ASB14: variants seen among roughly 807,000 people sequenced by gnomAD.
ASB14 encodes the protein ankyrin repeat and SOCS box protein 14.
In ASB14, 63 loss-of-function variants were observed where a neutral mutation model predicts 55.6. The ratio of observed to expected loss-of-function variants is 1.13; its 90% CI spans 0.92 to 1.40. The LOEUF is 1.40. ASB14 is among the 40% of genes most tolerant of loss of function. The pLI is 0.00. For missense variants in ASB14, 724 were observed against 710.4 expected (o/e 1.02, Z -0.22); for synonymous variants, 256 against 259.9 (o/e 0.98, Z 0.15).
chr3:57,272,270 T>C (rs900382108), intron 10 of ASB14: 3 of 152,248 alleles, frequency 2.0e-5, no homozygotes, highest in Admixed American at 6.5e-5. Flanking sequence ...TTAAAAATTT[T>C]GAGAACTTGC....
At chr3:57,271,863 A>C (rs371581244) in intron 10 of ASB14, 3 of 152,358 alleles carry the variant, frequency 2.0e-5, no homozygotes, top group African/African-American at 7.2e-5. Flanking sequence ...GAGTGGGTTT[A>C]ACAATTTTAG....
At chr3:57,284,090 GTGTA>G (rs1236011583) in intron 5 of ASB14, among the ~76,000 whole-genome samples, 10 of 107,938 alleles carry the variant, frequency 9.3e-5, no homozygotes, top group Admixed American at 5.9e-4. Context: ...TGGGAACACT[GTGTA>G]TGTGTGTGTG....
chr3:57,288,141 CA>C lies in ASB14; in HGVS notation c.310+13del. 1 of 1,536,650 alleles carries C rather than the reference CA, an allele frequency of 6.5e-7. No individual in the cohort carries two copies. The highest frequency in any genetic ancestry group is 8.7e-7 in the Non-Finnish European group (1 of 1,146,496). On this transcript the variant is annotated intron_variant, in intron 4 of 10. Coordinates refer to ENST00000487349, the MANE Select transcript of ASB14 (RefSeq NM_001142733.3). ...ATCTCTCAGAAGCATCAAGAAGAAT[CA>C]AAGGGAATTTACCGCTTAGGGTTAT...
rs1187822805 is a variant in ASB14 at position 57,289,140 on chromosome 3, A to G, written c.123-17T>C. On this transcript the variant is annotated splice_polypyrimidine_tract_variant and intron_variant, in intron 2 of 10. Coordinates refer to ENST00000487349, the MANE Select transcript of ASB14 (RefSeq NM_001142733.3). ...GAATGCAAACTGCAAAGAAAAAAAT[A>G]CATATGTAATTCCAAAACTGAGGAG... 5.3e-6 allele frequency: 8 copies of G among 1,500,866 alleles called. No individual in the cohort carries two copies. The highest frequency in any genetic ancestry group is 7.2e-6 in the Non-Finnish European group (8 of 1,114,170). The allele number at this position is 1,500,866 out of a possible 1,614,324, so 93.0% of individuals were successfully genotyped here. A position where few individuals can be genotyped will look rare whatever the true frequency, so the allele number is the denominator to read the frequency against.
intron 6 of ASB14, among the ~76,000 whole-genome samples, chr3:57,282,402 G>C (rs1483025782): frequency 1.3e-5 from 2 of 152,134 alleles, no homozygotes; most frequent in African/African-American, 4.8e-5. Context: ...AAAAGCTTTA[G>C]ATTGATCCTA....
At position 57,278,847 on chromosome 3, in the gene ASB14, C is replaced by CA; in HGVS notation, c.960dup (p.Ala321CysfsTer19). On this transcript the variant is annotated frameshift_variant, in exon 8 of 11. Transcript: ENST00000487349. LOFTEE classifies it high-confidence loss of function. ...CACTGAGGATGTGCTCCTGCTGCTG[C>CA]ACAGTGAACTGGACTGATCCCACTC... 6.2e-7 allele frequency: 1 copy of CA among 1,613,716 alleles called. No homozygotes were observed. The highest frequency in any genetic ancestry group is 8.5e-7 in the Non-Finnish European group (1 of 1,179,948).
At position 57,268,613 on chromosome 3, in the gene ASB14, A is replaced by T. The variant is rs2060911844; in HGVS notation, c.*1028T>A. The T allele has an allele frequency of 5.4e-6, 6 of 1,108,058 alleles. No individual in the cohort carries two copies. Among genetic ancestry groups the T allele is most frequent in the East Asian group, 2.5e-5 (1 of 40,066 alleles). The allele number at this position is 1,108,058 out of a possible 1,614,324, so 68.6% of individuals were successfully genotyped here. A position where few individuals can be genotyped will look rare whatever the true frequency, so the allele number is the denominator to read the frequency against. On this transcript the variant is annotated 3_prime_UTR_variant, in exon 11 of 11. Coordinates refer to ENST00000487349, the MANE Select transcript of ASB14 (RefSeq NM_001142733.3). Reference sequence around the variant, plus strand: ...GCTTGTTCAGCCACTTCATAAACAGATGATTCATACCATAGCAGAAAAGGG... The same window carrying T: ...GCTTGTTCAGCCACTTCATAAACAGTTGATTCATACCATAGCAGAAAAGGG...
Position 57,280,447 on chromosome 3 carries a change from C to CAA in ASB14, c.741_742insTT (p.Asp248LeufsTer50). On this transcript the variant is annotated frameshift_variant, in exon 7 of 11. Coordinates refer to ENST00000487349, the MANE Select transcript of ASB14 (RefSeq NM_001142733.3). LOFTEE classifies it high-confidence loss of function. ...GCTTCAAGTAAGATGGAAGAAGAAT[C>CAA]AGAGGCCTGACCATGAGCATTAGCT... 1 of 1,551,224 alleles carries CAA rather than the reference C, an allele frequency of 6.4e-7. No homozygotes were observed. The highest frequency in any genetic ancestry group is 1.2e-5 in the South Asian group (1 of 84,016).
At position 57,278,585 on chromosome 3, in the gene ASB14, T is replaced by A; in HGVS notation, c.1223A>T (p.His408Leu). Residue 408 changes from histidine to leucine, a missense_variant, in exon 8 of 11, where the codon CAT becomes CTT. Physicochemically the swap from His to Leu is moderately conservative, Grantham distance 99 (BLOSUM62 -3). Coordinates refer to ENST00000487349, the MANE Select transcript of ASB14 (RefSeq NM_001142733.3). ...NYELISLLLR[H>L]GANVNYFCRV... ...GCAGAAGTAATTGACATTGGCCCCA[T>A]GCCTTAGCAGCAGACTGATCAGCTC... The A allele has an allele frequency of 6.2e-7, 1 of 1,614,218 alleles. No individual in the cohort carries two copies. Among genetic ancestry groups the A allele is most frequent in the Admixed American group, 1.7e-5 (1 of 60,024 alleles).
At position 57,280,426 on chromosome 3, in the gene ASB14, C is replaced by A; in HGVS notation, c.763G>T (p.Glu255Ter). The A allele has an allele frequency of 1.9e-6, 3 of 1,551,406 alleles. No homozygotes were observed. Among genetic ancestry groups the A allele is most frequent in the Non-Finnish European group, 1.7e-6 (2 of 1,146,772 alleles). ...TCTGGATTTCCTCCACTTGCGGCTT[C>A]AAGTAAGATGGAAGAAGAATCAGAG... ...QASDSSSILL[E>*]AASGGNPDAV... Residue 255 changes from glutamate (E) to a stop codon, truncating the protein, a stop_gained, in exon 7 of 11, where the codon GAA becomes TAA. Transcript: ENST00000487349. LOFTEE classifies it high-confidence loss of function.
In ASB14 at chr3:57,287,948, C is replaced by G; in HGVS notation, c.422G>C (p.Cys141Ser). The G allele has an allele frequency of 6.5e-7, 1 of 1,537,266 alleles. No individual in the cohort carries two copies. Among genetic ancestry groups the G allele is most frequent in the Non-Finnish European group, 8.7e-7 (1 of 1,146,900 alleles). ...ENATFLLLNG[C>S]NPNAKNFEGN... ...TTCGAAATTCTTAGCATTTGGATTG[C>G]AGCCATTGAGAAGAAGAAAAGTGGC... is the stretch of plus-strand genomic sequence containing the variant. The change falls in exon 5 of 11, where the codon TGC becomes TCC. Residue 141 changes from cysteine to serine, a missense_variant. By Grantham distance (112) the Cys-to-Ser change is moderately radical. Coordinates refer to ENST00000487349, the MANE Select transcript of ASB14 (RefSeq NM_001142733.3).
In ASB14 at chr3:57,278,843, G is replaced by A. The variant is rs2061013040; in HGVS notation, c.965C>T (p.Ala322Val). 1.2e-6 allele frequency: 2 copies of A among 1,613,676 alleles called. No individual in the cohort carries two copies. Among genetic ancestry groups the A allele is most frequent in the Non-Finnish European group, 1.7e-6 (2 of 1,179,926 alleles). ...CAGGCACTGAGGATGTGCTCCTGCT[G>A]CTGCACAGTGAACTGGACTGATCCC... ...QSGISPVHCA[A>V]AGAHPQCLEL... The change falls in exon 8 of 11, where the codon GCA (alanine) becomes GTA (valine). Residue 322 changes from alanine to valine, a missense_variant. Transcript: ENST00000487349.
intron 10 of ASB14, among the ~76,000 whole-genome samples, chr3:57,275,715 T>G (rs192182987): frequency 6.6e-6 from 1 of 152,284 alleles, no homozygotes; most frequent in Admixed American, 6.5e-5. Context: ...TGTGCAAACA[T>G]AGAATCACTT....
chr3:57,277,491 G>A (rs945025014), intron 9 of ASB14, among the ~76,000 whole-genome samples: 11 of 151,972 alleles, frequency 7.2e-5, no homozygotes, highest in African/African-American at 2.4e-4. Context: ...TTTTCATTCC[G>A]GTGTCCATGG....
chr3:57,291,576 T>G (rs530310071), intron 2 of ASB14, among the ~76,000 whole-genome samples: 211 of 152,318 alleles, frequency 1.4e-3, no homozygotes, highest in African/African-American at 4.9e-3. Flanking sequence ...TGTGTCCCGG[T>G]TGGATTTATG....
rs1278485087 is a variant in ASB14, at chr3:57,288,183, A to G, written c.282T>C (p.Asn94=). The change falls in exon 4 of 11, where the codon AAT becomes AAC. Residue 94 remains asparagine (N), a synonymous_variant. Coordinates refer to ENST00000487349, the MANE Select transcript of ASB14 (RefSeq NM_001142733.3). ...IPLHKAAVQL[N]RKILEITLSA... is the part of the protein sequence containing the mutation. Reference sequence around the variant, plus strand: ...TTAGGGTTATTTCCAAAATTTTCCTATTTAATTGCACTGCAGCCTTATGCA... The same window carrying G: ...TTAGGGTTATTTCCAAAATTTTCCTGTTTAATTGCACTGCAGCCTTATGCA... The G allele has an allele frequency of 1.3e-6, 2 of 1,537,054 alleles. No homozygotes were observed. Among genetic ancestry groups the G allele is most frequent in the East Asian group, 2.4e-5 (1 of 40,926 alleles).
At position 57,269,343 on chromosome 3, in the gene ASB14, C is replaced by CTAT. The variant is rs2060918613; in HGVS notation, c.*297_*298insATA. The CTAT allele has an allele frequency of 2.1e-6, 1 of 484,686 alleles. No individual in the cohort carries two copies. Among genetic ancestry groups the CTAT allele is most frequent in the Non-Finnish European group, 3.6e-6 (1 of 278,356 alleles). The allele number at this position is 484,686 out of a possible 1,614,324, so 30.0% of individuals were successfully genotyped here. On this transcript the variant is annotated 3_prime_UTR_variant, in exon 11 of 11. Transcript: ENST00000487349. ...AAAATATTAGATTTTAGTTTGAATG[C>CTAT]TGGCTTTTATAGGATGGTGCCAAAA...
At chr3:57,282,890 A>T (rs1473363858) in intron 6 of ASB14, among the ~76,000 whole-genome samples, 1 of 152,144 alleles carries the variant, frequency 6.6e-6, no homozygotes, top group Non-Finnish European at 1.5e-5. Context: ...GTTTGATTTT[A>T]TGATTCTAGA....
chr3:57,280,106 C>T (rs1267540325), intron 7 of ASB14, among the ~76,000 whole-genome samples, 196 bp downstream of exon 7: 1 of 127,124 alleles, frequency 7.9e-6, no homozygotes, highest in Non-Finnish European at 1.6e-5. Context: ...TCATCTGTCA[C>T]TTGGCCAGGG....
Sources: gnomAD v4.1 joint callset for allele counts (sites outside exome capture counted in the v4.1 genomes callset) on GRCh38, gnomAD v4.1.1 for gene constraint, MANE v1.5 for transcripts, NCBI Gene and HGNC (gene_info 2026-07-23, HGNC 2026-07-21) for gene names.